Variants in SLC5A12 observed in about 807,000 individuals in gnomAD.
SLC5A12 encodes sodium-coupled monocarboxylate transporter 2.
A neutral mutation model predicts 72.7 loss-of-function variants in SLC5A12; 46 were observed. That is an observed-to-expected ratio of 0.63 (90% CI 0.50 to 0.81). SLC5A12 has a LOEUF of 0.81. Among genes scored for constraint, SLC5A12 ranks in the 30% least tolerant of loss-of-function variants. SLC5A12 has a pLI of 0.00. For missense variants in SLC5A12, 683 were observed against 740.7 expected (o/e 0.92, Z 0.90); for synonymous variants, 275 against 264.4 (o/e 1.04, Z -0.39).
intron 4 of SLC5A12, among the ~76,000 whole-genome samples, chr11:26,704,236 G>C (rs1855032317): frequency 6.6e-6 from 1 of 152,150 alleles, no homozygotes; most frequent in Non-Finnish European, 1.5e-5. Context: ...AAGAAAGACA[G>C]GTTACTATAG....
chr11:26,697,285 A>T, intron 7 of SLC5A12, 33 bp from the exon 8 acceptor site: 1 of 1,557,484 alleles, frequency 6.4e-7, no homozygotes, highest in South Asian at 1.2e-5. Context: ...AAAAATAAAT[A>T]AAAAGAAGAA....
chr11:26,688,695 A>G (rs150653795), intron 9 of SLC5A12, among the ~76,000 whole-genome samples: 1 of 152,370 alleles, frequency 6.6e-6, no homozygotes, highest in African/African-American at 2.4e-5. Flanking sequence ...CAATGAAGCA[A>G]GGACATACAA....
At chr11:26,704,391 A>G (rs117225263) in intron 4 of SLC5A12, among the ~76,000 whole-genome samples, 2 of 152,310 alleles carry the variant, frequency 1.3e-5, no homozygotes, top group East Asian at 3.9e-4. Flanking sequence ...CCCTGAGGGA[A>G]TACAAGAAAG....
In SLC5A12 at chr11:26,670,006, T is replaced by A. The variant is rs1365575210; in HGVS notation, c.*1096A>T. On this transcript the variant is annotated 3_prime_UTR_variant, in exon 15 of 15. Transcript: ENST00000396005. ...TTCACTTCTTCCAAAAATCTTTCAC[T>A]GCTCCTTCATTTGTCAACTCGCCTT... The A allele has an allele frequency of 1.3e-5, 2 of 152,154 alleles. No homozygotes were observed. The highest frequency in any genetic ancestry group is 1.3e-4 in the Admixed American group (2 of 15,234). 9.4% of individuals were successfully genotyped at this position (152,154 alleles called of 1,614,324 possible). A position where few individuals can be genotyped will look rare whatever the true frequency, so the allele number is the denominator to read the frequency against.
At chr11:26,684,223 A>C (rs1854475899) in intron 10 of SLC5A12, among the ~76,000 whole-genome samples, 3 of 152,128 alleles carry the variant, frequency 2.0e-5, no homozygotes, top group African/African-American at 7.2e-5. Context: ...GATGGGTTAC[A>C]ATGCATGATT....
rs531268615 is a variant in SLC5A12 at position 26,667,507 on chromosome 11, A to G, written c.*3595T>C. On this transcript the variant is annotated 3_prime_UTR_variant, in exon 15 of 15. Coordinates refer to ENST00000396005, the MANE Select transcript of SLC5A12 (RefSeq NM_178498.4). ...AAAGTTCATTTTTAGCAAATACTAT[A>G]TAAACAAAGGGAAAAGACCCTCCCC... The G allele has an allele frequency of 5.3e-5, 8 of 152,120 alleles. No homozygotes were observed. The East Asian group carries it at 1.5e-3, about 29-fold the overall frequency. The allele number at this position is 152,120 out of a possible 1,614,324, so 9.4% of individuals were successfully genotyped here. A position where few individuals can be genotyped will look rare whatever the true frequency, so the allele number is the denominator to read the frequency against.
chr11:26,714,117 A>C (rs923904135), intron 1 of SLC5A12, among the ~76,000 whole-genome samples: 2 of 151,822 alleles, frequency 1.3e-5, no homozygotes, highest in African/African-American at 4.8e-5. Context: ...ACAAAAAAAA[A>C]CATGTAAAGT....
At chr11:26,704,067 G>A (rs1043280305) in intron 4 of SLC5A12, 120 bp from the exon 5 acceptor site, 2 of 1,030,486 alleles carry the variant, frequency 1.9e-6, no homozygotes, top group Admixed American at 2.1e-5. Flanking sequence ...AGCCACTGAG[G>A]ATCTTTTATG....
chr11:26,675,427 G>A (rs1341204461), intron 13 of SLC5A12, among the ~76,000 whole-genome samples: 2 of 152,098 alleles, frequency 1.3e-5, no homozygotes, highest in Admixed American at 6.6e-5. Context: ...TTCAATCGTG[G>A]ATTTATCATC....
intron 1 of SLC5A12, among the ~76,000 whole-genome samples, chr11:26,714,744 G>A (rs1166619073): frequency 6.6e-6 from 1 of 152,048 alleles, no homozygotes; most frequent in Non-Finnish European, 1.5e-5. Context: ...AATGTTTCAT[G>A]GCTTACAATT....
chr11:26,714,509 T>C (rs111334519), intron 1 of SLC5A12, among the ~76,000 whole-genome samples: 7,556 of 152,218 alleles, frequency 0.05, 213 homozygotes, highest in South Asian at 0.094. Flanking sequence ...GAAAAGTTTT[T>C]CTCAGTAAGT....
intron 4 of SLC5A12, among the ~76,000 whole-genome samples, chr11:26,706,360 A>T (rs1855090114): frequency 6.6e-6 from 1 of 152,066 alleles, no homozygotes; most frequent in Admixed American, 6.6e-5. Context: ...GAAGAAATGA[A>T]TATTTTAAGA....
chr11:26,713,625 A>G (rs888405261), intron 1 of SLC5A12, among the ~76,000 whole-genome samples: 3 of 152,110 alleles, frequency 2.0e-5, no homozygotes, highest in Admixed American at 6.6e-5. Flanking sequence ...TATGGCACTA[A>G]TATTAAGACT....
intron 6 of SLC5A12, among the ~76,000 whole-genome samples, chr11:26,701,473 A>T (rs753738413): frequency 4.6e-5 from 7 of 152,202 alleles, no homozygotes; most frequent in African/African-American, 1.7e-4. Flanking sequence ...GACAGCTTTC[A>T]TACTCACTAA....
Position 26,667,535 on chromosome 11 carries a change from C to T in SLC5A12, c.*3567G>A, listed in dbSNP as rs894713056. 6.6e-5 allele frequency: 10 copies of T among 151,912 alleles called. No individual in the cohort carries two copies. Among genetic ancestry groups the T allele is most frequent in the African/African-American group, 2.2e-4 (9 of 41,406 alleles). 9.4% of individuals were successfully genotyped at this position (151,912 alleles called of 1,614,324 possible). On this transcript the variant is annotated 3_prime_UTR_variant, in exon 15 of 15. Coordinates refer to ENST00000396005, the MANE Select transcript of SLC5A12 (RefSeq NM_178498.4). ...AACAAAGGGAAAAGACCCTCCCCAC[C>T]TTCTGTTGCTATTTTGAGAGTCATA...
intron 9 of SLC5A12, among the ~76,000 whole-genome samples, chr11:26,690,498 A>G (rs1854641703): frequency 6.6e-6 from 1 of 151,762 alleles, no homozygotes; most frequent in African/African-American, 2.4e-5. Context: ...TAATGCTGGG[A>G]AAGTGAACTA....
At chr11:26,680,956 C>T (rs1001921069) in intron 12 of SLC5A12, 99 bp downstream of exon 12, 16 of 1,134,554 alleles carry the variant, frequency 1.4e-5, no homozygotes, top group South Asian at 2.6e-5. Context: ...CATAAGAGAA[C>T]AAGATATGTC....
At chr11:26,696,672 G>A (rs1046324635) in intron 8 of SLC5A12, among the ~76,000 whole-genome samples, 1 of 152,158 alleles carries the variant, frequency 6.6e-6, no homozygotes. Flanking sequence ...CTTAACCATA[G>A]AAAAGGTATA....
intron 1 of SLC5A12, among the ~76,000 whole-genome samples, chr11:26,720,573 A>G (rs922433100): frequency 6.6e-6 from 1 of 152,028 alleles, no homozygotes; most frequent in Non-Finnish European, 1.5e-5. Flanking sequence ...TATTTAAAAA[A>G]AAATAGGTCT....
Sources: gnomAD v4.1 joint callset for allele counts (sites outside exome capture counted in the v4.1 genomes callset) on GRCh38, gnomAD v4.1.1 for gene constraint, MANE v1.5 for transcripts, NCBI Gene and HGNC (gene_info 2026-07-23, HGNC 2026-07-21) for gene names.